ZNF33B: variants seen among roughly 807,000 people sequenced by gnomAD.
ZNF33B encodes zinc finger protein 11b (KOX 2).
ZNF33B carries 29 observed loss-of-function variants against 45.8 expected under a neutral mutation model. The ratio of observed to expected loss-of-function variants is 0.63; its 90% CI spans 0.47 to 0.86. The LOEUF is 0.86. Among genes scored for constraint, ZNF33B ranks in the 40% least tolerant of loss-of-function variants. The probability of loss-of-function intolerance (pLI) is 0.00; values close to 1 mark genes in which losing one functional copy is unlikely to be tolerated. For missense variants in ZNF33B, 831 were observed against 909.9 expected, an observed-to-expected ratio of 0.91 and a Z score of 1.12; for synonymous variants, 305 against 307.8, an observed-to-expected ratio of 0.99 and a Z score of 0.10.
At chr10:42,605,111 G>A (rs1837783800) in intron 4 of ZNF33B, 1 of 151,868 alleles carries the variant, frequency 6.6e-6, no homozygotes, top group Non-Finnish European at 1.5e-5. Flanking sequence ...GTACCAGAAG[G>A]AGGGGAAAAA....
chr10:42,637,633 G>A (rs1238533634), intron 1 of ZNF33B, among the ~76,000 whole-genome samples: 1 of 151,970 alleles, frequency 6.6e-6, no homozygotes, highest in Non-Finnish European at 1.5e-5. Flanking sequence ...TCTAACAAAT[G>A]AGGCAAAATT....
chr10:42,575,539 T>C (rs1383686961), intron 1 of ZNF33B, among the ~76,000 whole-genome samples: 2 of 152,096 alleles, frequency 1.3e-5, no homozygotes, highest in Non-Finnish European at 2.9e-5. Flanking sequence ...CAAATCAATA[T>C]ACCTCTATTT....
At chr10:42,638,202 G>A (rs1050132755) in intron 1 of ZNF33B, among the ~76,000 whole-genome samples, 1 of 152,266 alleles carries the variant, frequency 6.6e-6, no homozygotes, top group East Asian at 1.9e-4. Flanking sequence ...CCTCCCGCAA[G>A]GCTCAGCGCT....
chr10:42,592,582 G>A lies in ZNF33B; in HGVS notation c.*31C>T. On this transcript the variant is annotated 3_prime_UTR_variant, in exon 5 of 5. Transcript: ENST00000359467. ...AAGACTCTGAGGCATTATGGAGGCT[G>A]ACTTGTGGCTGGAAATTTCTAATAT... The A allele has an allele frequency of 6.3e-7, 1 of 1,594,932 alleles. No homozygotes were observed. Among genetic ancestry groups the A allele is most frequent in the African/African-American group, 1.3e-5 (1 of 74,554 alleles).
At chr10:42,635,219 T>G in intron 2 of ZNF33B, among the ~76,000 whole-genome samples, 1 of 145,860 alleles carries the variant, frequency 6.9e-6, no homozygotes. Flanking sequence ...CTAGCCTGAG[T>G]GACAGAGTGA....
chr10:42,638,428 C>T, intron 1 of ZNF33B, 46 bp downstream of exon 1: 1 of 343,940 alleles, frequency 2.9e-6, no homozygotes, highest in South Asian at 2.3e-5. Flanking sequence ...CTCCTGGAGT[C>T]GCGCGGGGCC....
intron 4 of ZNF33B, among the ~76,000 whole-genome samples, chr10:42,596,108 G>A (rs930880539): frequency 1.3e-5 from 2 of 151,604 alleles, no homozygotes; most frequent in Non-Finnish European, 2.9e-5. Context: ...TAGTATATAT[G>A]TTATTGCAGT....
At chr10:42,623,442 A>G (rs1412232466) in intron 4 of ZNF33B, among the ~76,000 whole-genome samples, 1 of 152,246 alleles carries the variant, frequency 6.6e-6, no homozygotes, top group African/African-American at 2.4e-5. Flanking sequence ...ATTATTCACA[A>G]CAGCCAAAAG....
chr10:42,584,918 C>A (rs1161079963), downstream of ZNF33B, among the ~76,000 whole-genome samples: 1 of 152,214 alleles, frequency 6.6e-6, no homozygotes, highest in African/African-American at 2.4e-5. Context: ...CCATGGCCTG[C>A]AGCCAGGAAG....
chr10:42,617,845 G>T (rs1838394559), intron 4 of ZNF33B, among the ~76,000 whole-genome samples: 2 of 146,778 alleles, frequency 1.4e-5, no homozygotes, highest in South Asian at 4.4e-4. Flanking sequence ...TTGGCTAATA[G>T]ATTTCAAATC....
intron 1 of ZNF33B, among the ~76,000 whole-genome samples, chr10:42,575,893 CT>C (rs930460415): frequency 6.7e-6 from 1 of 148,332 alleles, no homozygotes; most frequent in Admixed American, 6.9e-5. Flanking sequence ...CCACGCCTGG[CT>C]AATTTTTTTT....
At chr10:42,582,076 A>G (rs986405774) in intron 1 of ZNF33B, 3 of 152,392 alleles carry the variant, frequency 2.0e-5, no homozygotes, top group African/African-American at 7.2e-5. Flanking sequence ...AGACCGCACC[A>G]TTGTACTTCA....
Position 42,590,470 on chromosome 10 carries a change from C to CA in ZNF33B, c.*2142dup, listed in dbSNP as rs2132028238. On this transcript the variant is annotated 3_prime_UTR_variant, in exon 5 of 5. Transcript: ENST00000359467. ...CACAATCTTGGCTCACTGCAACCTCCACCTCCCAGGTTCAAGTGATTCTTC... is the reference window on the plus strand; with the variant it reads ...CACAATCTTGGCTCACTGCAACCTCCAACCTCCCAGGTTCAAGTGATTCTTC... The CA allele has an allele frequency of 6.6e-6, 1 of 152,334 alleles. No homozygotes were observed. The highest frequency in any genetic ancestry group is 1.9e-4 in the East Asian group (1 of 5,182). The allele number at this position is 152,334 out of a possible 1,614,324, so 9.4% of individuals were successfully genotyped here.
At chr10:42,583,022 A>G in intron 1 of ZNF33B, 1 of 775,068 alleles carries the variant, frequency 1.3e-6, no homozygotes, top group East Asian at 2.5e-5. Flanking sequence ...AAGGCCATTG[A>G]TCTTCCAGTC....
At chr10:42,608,735 C>A (rs1837971116) in intron 4 of ZNF33B, among the ~76,000 whole-genome samples, 1 of 151,720 alleles carries the variant, frequency 6.6e-6, no homozygotes, top group African/African-American at 2.4e-5. Context: ...TGGACAGGAG[C>A]AGCAATACAA....
chr10:42,586,935 C>A (rs540770507), downstream of ZNF33B, among the ~76,000 whole-genome samples: 1 of 152,102 alleles, frequency 6.6e-6, no homozygotes, highest in African/African-American at 2.4e-5. Flanking sequence ...GATGAAAGTG[C>A]CAAGATGAAA....
intron 4 of ZNF33B, among the ~76,000 whole-genome samples, chr10:42,601,835 G>A (rs1837635730): frequency 6.7e-6 from 1 of 149,184 alleles, no homozygotes; most frequent in Admixed American, 6.7e-5. Context: ...TTCTATTACT[G>A]TGTTTTTAAG....
intron 4 of ZNF33B, among the ~76,000 whole-genome samples, chr10:42,601,468 G>GTTTTTTTTTTTTTTTTTT (rs57196690): frequency 1.3e-5 from 1 of 79,444 alleles, no homozygotes; most frequent in Non-Finnish European, 2.3e-5. Flanking sequence ...ACATGGGCTT[G>GTTTTTTTTTTTTTTTTTT]TTTTTTTTTT....
At chr10:42,616,126 G>T (rs1285404244) in intron 4 of ZNF33B, among the ~76,000 whole-genome samples, 1 of 152,034 alleles carries the variant, frequency 6.6e-6, no homozygotes, top group Non-Finnish European at 1.5e-5. Flanking sequence ...CAGCTACTCA[G>T]GAGACTAAGG....
Sources: gnomAD v4.1 joint callset for allele counts (sites outside exome capture counted in the v4.1 genomes callset) on GRCh38, gnomAD v4.1.1 for gene constraint, MANE v1.5 for transcripts, NCBI Gene and HGNC (gene_info 2026-07-23, HGNC 2026-07-21) for gene names.